KLC1: variants seen among roughly 807,000 people sequenced by gnomAD.
KLC1 encodes the protein kinesin light chain 1.
Under a neutral mutation model 84.2 loss-of-function variants are expected in KLC1, and 30 were observed. That is an observed-to-expected ratio of 0.36 (90% CI 0.27 to 0.48). KLC1 has a LOEUF of 0.48. KLC1 is among the 20% of genes least tolerant of loss of function. The probability of loss-of-function intolerance (pLI) is 0.99; values close to 1 mark genes in which losing one functional copy is unlikely to be tolerated. For missense variants in KLC1, 499 were observed against 805.4 expected (o/e 0.62, Z 4.60); for synonymous variants, 289 against 293.3 (o/e 0.99, Z 0.15).
At chr14:103,665,275 TC>T (rs978519346) in intron 5 of KLC1, among the ~76,000 whole-genome samples, 17 of 151,914 alleles carry the variant, frequency 1.1e-4, no homozygotes, top group African/African-American at 4.1e-4. Flanking sequence ...GGTCTCAAAC[TC>T]CTGGGCTCCA....
chr14:103,666,475 G>C (rs1449833111), intron 5 of KLC1, among the ~76,000 whole-genome samples: 2 of 152,212 alleles, frequency 1.3e-5, no homozygotes, highest in East Asian at 1.9e-4. Flanking sequence ...ATAAGTTCCA[G>C]TTGAGGCTGA....
intron 3 of KLC1, among the ~76,000 whole-genome samples, chr14:103,659,725 G>A (rs568136617): frequency 2.0e-5 from 3 of 152,186 alleles, no homozygotes; most frequent in Non-Finnish European, 2.9e-5. Flanking sequence ...AGTTTTTTGC[G>A]TAGCACCAGC....
chr14:103,635,162 G>A (rs1019476730), intron 1 of KLC1, among the ~76,000 whole-genome samples: 10 of 152,160 alleles, frequency 6.6e-5, no homozygotes, highest in African/African-American at 1.4e-4. Flanking sequence ...ACGTGCATAC[G>A]TGAACTGAGT....
rs764935723 is a variant in KLC1, at chr14:103,662,885, C to T, written c.755C>T (p.Pro252Leu). 3.1e-6 allele frequency: 5 copies of T among 1,613,310 alleles called. No homozygotes were observed. The highest frequency in any genetic ancestry group is 2.2e-5 in the East Asian group (1 of 44,862). The change falls in exon 5 of 17, where the codon CCG becomes CTG. Residue 252 changes from proline (P) to leucine (L), a missense_variant. Transcript: ENST00000334553. ...GAGAAGACTTCAGGACACGACCACC[C>T]GGACGTGGCCACCATGCTCAACATC... ...DLEKTSGHDH[P>L]DVATMLNILA...
At chr14:103,660,989 C>A (rs1330152698) in intron 3 of KLC1, among the ~76,000 whole-genome samples, 3 of 152,120 alleles carry the variant, frequency 2.0e-5, no homozygotes, top group African/African-American at 7.2e-5. Flanking sequence ...AAGTGTTAAA[C>A]TTGGAGAAAA....
At chr14:103,695,543 C>G in intron 15 of KLC1, 1 of 985,232 alleles carries the variant, frequency 1.0e-6, no homozygotes, top group African/African-American at 1.7e-5. Context: ...GGTGCCTTCT[C>G]CCTGTGAGGA....
intron 11 of KLC1, among the ~76,000 whole-genome samples, chr14:103,676,098 A>G (rs1418480047): frequency 6.6e-6 from 1 of 152,174 alleles, no homozygotes; most frequent in Non-Finnish European, 1.5e-5. Flanking sequence ...AGATCCACAC[A>G]CACTCCTTTT....
chr14:103,686,972 G>T (rs572759877), intron 13 of KLC1, 109 bp from the exon 14 acceptor site: 2 of 682,336 alleles, frequency 2.9e-6, no homozygotes, highest in Admixed American at 5.2e-5. Flanking sequence ...GCAGTGAGCT[G>T]CTGGCAAGCA....
At chr14:103,636,950 C>T (rs551327753) in intron 1 of KLC1, among the ~76,000 whole-genome samples, 10 of 149,744 alleles carry the variant, frequency 6.7e-5, no homozygotes, top group African/African-American at 1.5e-4. Flanking sequence ...AGGATGGTCT[C>T]GATCTCCTGA....
intron 1 of KLC1, among the ~76,000 whole-genome samples, chr14:103,634,271 T>C (rs1156959144): frequency 6.6e-6 from 1 of 152,146 alleles, no homozygotes; most frequent in Non-Finnish European, 1.5e-5. Context: ...GTATTCAGTG[T>C]CGGTGCTTGG....
At chr14:103,664,340 C>T (rs565282763) in intron 5 of KLC1, among the ~76,000 whole-genome samples, 2 of 151,602 alleles carry the variant, frequency 1.3e-5, no homozygotes, top group African/African-American at 2.4e-5. Flanking sequence ...TTAGTAGAGA[C>T]GGGGTTTCAC....
intron 13 of KLC1, chr14:103,685,992 C>A: frequency 9.1e-7 from 1 of 1,099,132 alleles, no homozygotes; most frequent in Non-Finnish European, 1.1e-6. Context: ...ATGACGGTGA[C>A]CTGTTGACGT....
At position 103,676,172 on chromosome 14, in the gene KLC1, G is replaced by A. The variant is rs903745102; in HGVS notation, c.1379+416G>A. On this transcript the variant is annotated intron_variant, in intron 11 of 16. Coordinates refer to ENST00000334553, the MANE Select transcript of KLC1 (RefSeq NM_001394837.1). ...GTGTAGGCCCCTCCGTGGCCGGCCC[G>A]AGAGCCTTGCCTCTTGAGCCCGAGC... is the stretch of plus-strand genomic sequence containing the variant. Among the ~76,000 whole-genome samples the A allele has an allele frequency of 4.6e-5, 7 of 152,330 alleles. No individual in the cohort carries two copies. The South Asian group carries it at 8.3e-4, about 18-fold the overall frequency.
chr14:103,659,639 A>G (rs1595397106), intron 3 of KLC1, among the ~76,000 whole-genome samples: 1 of 152,180 alleles, frequency 6.6e-6, no homozygotes, highest in Non-Finnish European at 1.5e-5. Flanking sequence ...AGACATGTTC[A>G]TGTACATAAT....
At chr14:103,692,684 A>G (rs573601932) in intron 15 of KLC1, among the ~76,000 whole-genome samples, 2 of 152,372 alleles carry the variant, frequency 1.3e-5, no homozygotes, top group African/African-American at 4.8e-5. Flanking sequence ...CTTTAAAAAT[A>G]GTTTAACCTA....
intron 13 of KLC1, chr14:103,685,070 G>A (rs1318970718): frequency 1.8e-5 from 28 of 1,545,400 alleles, no homozygotes; most frequent in East Asian, 4.9e-5. Context: ...AGGCCCTGCC[G>A]TCTGGCGCTT....
Position 103,693,473 on chromosome 14 carries a change from G to T in KLC1, c.1848+1048G>T. 1 of 1,529,970 alleles carries T rather than the reference G, an allele frequency of 6.5e-7. No individual in the cohort carries two copies. The highest frequency in any genetic ancestry group is 8.7e-7 in the Non-Finnish European group (1 of 1,143,666). The allele number at this position is 1,529,970 out of a possible 1,614,324, so 94.8% of individuals were successfully genotyped here. On this transcript the variant is annotated intron_variant, in intron 15 of 16. Transcript: ENST00000334553. This position sits in a 1 kb window ranked among gnomAD's most constrained non-coding sequence, Gnocchi z 5.1. ...TAGATTTAGCTGTGCAGCTGGTACT[G>T]TTAGGCCTGAGGCCATTTGAAGCTG...
chr14:103,692,996 C>T (rs1253645988), intron 15 of KLC1, among the ~76,000 whole-genome samples: 3 of 152,236 alleles, frequency 2.0e-5, no homozygotes, highest in East Asian at 1.9e-4. Flanking sequence ...TCATCCACTC[C>T]GCCCTTTGGT....
chr14:103,662,000 A>G (rs572966749), intron 3 of KLC1, 116 bp from the exon 4 acceptor site: 2 of 744,332 alleles, frequency 2.7e-6, no homozygotes, highest in Admixed American at 4.3e-5. Context: ...TTGATGTTAA[A>G]AACTGATCAT....
Sources: allele counts gnomAD v4.1 joint callset (sites outside exome capture counted in the v4.1 genomes callset), GRCh38; gene constraint gnomAD v4.1.1; non-coding constraint Gnocchi (gnomAD v3.1); transcripts MANE v1.5; gene names NCBI Gene and HGNC (gene_info 2026-07-23, HGNC 2026-07-21).